Variants in KRTAP10-10 observed in about 807,000 individuals in gnomAD.
KRTAP10-10 encodes keratin associated protein 10-10, also known as keratin-associated protein 10-10.
For missense variants in KRTAP10-10, 324 were observed against 319.9 expected (o/e 1.01, Z -0.10); for synonymous variants, 139 against 137.6 (o/e 1.01, Z -0.07).
In KRTAP10-10 at chr21:44,637,956, C is replaced by T. The variant is rs781960035; in HGVS notation, c.539C>T (p.Thr180Ile). Residue 180 changes from threonine (T) to isoleucine (I), a missense_variant, in exon 1 of 1, where the codon ACC (threonine) becomes ATC (isoleucine). By Grantham distance (89) the Thr-to-Ile change is moderately conservative. Transcript: ENST00000380095. ...TCTAGCTGCCAGCCTGCTTGCTGCACCGCCTCCTGCTGCAGACCCTCCTCC... is the reference window on the plus strand; with the variant it reads ...TCTAGCTGCCAGCCTGCTTGCTGCATCGCCTCCTGCTGCAGACCCTCCTCC... ...QQSSCQPACC[T>I]ASCCRPSSSV... 2 of 1,613,986 alleles carry T rather than the reference C, an allele frequency of 1.2e-6. No individual in the cohort carries two copies. Among genetic ancestry groups the T allele is most frequent in the African/African-American group, 2.7e-5 (2 of 74,898 alleles).
chr21:44,637,662 C>T lies in KRTAP10-10; in HGVS notation c.245C>T (p.Pro82Leu), dbSNP rs142252999. 4,708 of 1,582,484 alleles carry T rather than the reference C, an allele frequency of 3.0e-3. 115 individuals are homozygous for T. The South Asian group carries it at 0.036, about 12-fold the overall frequency. ...TPCYQQSSCQ[P>L]DCCTSSPCQQ... ...TGCTACCAGCAGTCTAGCTGCCAGC[C>T]GGATTGCTGCACCTCCTCCCCCTGC... Residue 82 changes from proline to leucine, a missense_variant, in exon 1 of 1, where the codon CCG becomes CTG. Coordinates refer to ENST00000380095, the MANE Select transcript of KRTAP10-10 (RefSeq NM_181688.3).
rs782723435 is a variant in KRTAP10-10 at position 44,638,069 on chromosome 21, C to G, written c.652C>G (p.Pro218Ala). The G allele has an allele frequency of 1.9e-6, 3 of 1,613,274 alleles. No homozygotes were observed. Among genetic ancestry groups the G allele is most frequent in the South Asian group, 1.1e-5 (1 of 90,974 alleles). The change falls in exon 1 of 1, where the codon CCC becomes GCC. Residue 218 changes from proline (P) to alanine (A), a missense_variant. Physicochemically the swap from Pro to Ala is conservative, Grantham distance 27. Coordinates refer to ENST00000380095, the MANE Select transcript of KRTAP10-10 (RefSeq NM_181688.3). ...SCGASASSCQ[P>A]SCCRTASCVS... ...CGGTGCCTCTGCCTCCTCCTGCCAGCCCAGCTGCTGCCGCACGGCCTCCTG... is the reference window on the plus strand; with the variant it reads ...CGGTGCCTCTGCCTCCTCCTGCCAGGCCAGCTGCTGCCGCACGGCCTCCTG...
At position 44,637,973 on chromosome 21, in the gene KRTAP10-10, CCCT is replaced by C. The variant is rs1983759878; in HGVS notation, c.565_567del (p.Ser189del). The C allele has an allele frequency of 6.2e-7, 1 of 1,613,896 alleles. No individual in the cohort carries two copies. The highest frequency in any genetic ancestry group is 8.5e-7 in the Non-Finnish European group (1 of 1,179,960). ...TTGCTGCACCGCCTCCTGCTGCAGA[CCCT>C]CCTCCTCCGTGTCCCTCCTCTGCCA... On this transcript the variant is annotated inframe_deletion, in exon 1 of 1. Transcript: ENST00000380095.
At chr21:44,637,608 C>G in the KRTAP10-10 span, 1 of 1,613,930 alleles carries the variant, frequency 6.2e-7, no homozygotes, top group Non-Finnish European at 8.5e-7. Context: ...GCCTGCCAAT[C>G]AGGCTACACC....
At position 44,637,490 on chromosome 21, in the gene KRTAP10-10, AGCTGCTGCGAGCCCT is replaced by A. The variant is rs1450047895; in HGVS notation, c.81_95del (p.Glu28_Cys32del). 2 of 1,613,310 alleles carry A rather than the reference AGCTGCTGCGAGCCCT, an allele frequency of 1.2e-6. No individual in the cohort carries two copies. Among genetic ancestry groups the A allele is most frequent in the Middle Eastern group, 1.7e-4 (1 of 5,772 alleles). The stretch of plus-strand genomic sequence containing the variant: ...TTGGCGGGTAGTCGACTGCCCAGAG[AGCTGCTGCGAGCCCT>A]GCTGCTGTGCCCCAGCCCCCAGCTT... On this transcript the variant is annotated inframe_deletion, in exon 1 of 1. Transcript: ENST00000380095.
At position 44,638,055 on chromosome 21, in the gene KRTAP10-10, C is replaced by T. The variant is rs781995050; in HGVS notation, c.638C>T (p.Ala213Val). 5.0e-6 allele frequency: 8 copies of T among 1,613,278 alleles called. No individual in the cohort carries two copies. Among genetic ancestry groups the T allele is most frequent in the Non-Finnish European group, 5.9e-6 (7 of 1,179,610 alleles). ...CCCGTCCCCTCCTGCGGTGCCTCTG[C>T]CTCCTCCTGCCAGCCCAGCTGCTGC... ...CVPVPSCGAS[A>V]SSCQPSCCRT... The change falls in exon 1 of 1, where the codon GCC (alanine) becomes GTC (valine). Residue 213 changes from alanine (A) to valine (V), a missense_variant. Ala to Val is a moderately conservative substitution (Grantham distance 64). Transcript: ENST00000380095.
Position 44,637,538 on chromosome 21 carries a change from G to C in KRTAP10-10, c.121G>C (p.Val41Leu). 6.2e-7 allele frequency: 1 copy of C among 1,613,570 alleles called. No homozygotes were observed. The highest frequency in any genetic ancestry group is 8.5e-7 in the Non-Finnish European group (1 of 1,179,970). Reference protein sequence around the residue: ...CCAPAPSLTLVCTPVSCVSSP... With the variant: ...CCAPAPSLTLLCTPVSCVSSP... ...TGCCCCAGCCCCCAGCTTGACCCTG[G>C]TCTGCACCCCAGTGAGCTGTGTGTC... The change falls in exon 1 of 1, where the codon GTC becomes CTC. Residue 41 changes from valine to leucine, a missense_variant. Coordinates refer to ENST00000380095, the MANE Select transcript of KRTAP10-10 (RefSeq NM_181688.3).
At position 44,638,002 on chromosome 21, in the gene KRTAP10-10, C is replaced by T. The variant is rs782037793; in HGVS notation, c.585C>T (p.His195=). ...RPSSSVSLLC[H]PVCKSTCCVP... ...CCTCCTCCGTGTCCCTCCTCTGCCA[C>T]CCTGTGTGCAAGTCCACCTGCTGCG... The change falls in exon 1 of 1, where the codon CAC becomes CAT. Residue 195 remains histidine, a synonymous_variant. Coordinates refer to ENST00000380095, the MANE Select transcript of KRTAP10-10 (RefSeq NM_181688.3). The T allele has an allele frequency of 2.5e-6, 4 of 1,613,854 alleles. No homozygotes were observed. The highest frequency in any genetic ancestry group is 3.4e-6 in the Non-Finnish European group (4 of 1,179,946).
chr21:44,638,453 C>T lies in KRTAP10-10; in HGVS notation c.*280C>T, dbSNP rs55958156. 5,291 of 400,090 alleles carry T rather than the reference C, an allele frequency of 0.013. 328 individuals carry two copies. The highest frequency in any genetic ancestry group is 0.1 in the African/African-American group (4,850 of 48,248). 24.8% of individuals were successfully genotyped at this position (400,090 alleles called of 1,614,324 possible). Reference sequence around the variant, plus strand: ...TAATAAAGCCGCCTCTGTCTCACACCAACCTCTGTCCTGTCTGTGGACCCC... The same window carrying T: ...TAATAAAGCCGCCTCTGTCTCACACTAACCTCTGTCCTGTCTGTGGACCCC... On this transcript the variant is annotated 3_prime_UTR_variant, in exon 1 of 1. Coordinates refer to ENST00000380095, the MANE Select transcript of KRTAP10-10 (RefSeq NM_181688.3).
rs781849423 is a variant in KRTAP10-10 at position 44,637,496 on chromosome 21, T to A, written c.79T>A (p.Cys27Ser). The change falls in exon 1 of 1, where the codon TGC becomes AGC. Residue 27 changes from cysteine (C) to serine (S), a missense_variant. Physicochemically the swap from Cys to Ser is moderately radical, Grantham distance 112. Coordinates refer to ENST00000380095, the MANE Select transcript of KRTAP10-10 (RefSeq NM_181688.3). ...WRVVDCPESC[C>S]EPCCCAPAPS... ...GGTAGTCGACTGCCCAGAGAGCTGC[T>A]GCGAGCCCTGCTGCTGTGCCCCAGC... 1 of 1,613,410 alleles carries A rather than the reference T, an allele frequency of 6.2e-7. No homozygotes were observed. Among genetic ancestry groups the A allele is most frequent in the South Asian group, 1.1e-5 (1 of 91,038 alleles).
At position 44,637,782 on chromosome 21, in the gene KRTAP10-10, C is replaced by T. The variant is rs782686147; in HGVS notation, c.365C>T (p.Ser122Phe). ...PVCFVPTCSESSPSCCQQSSC... is the reference protein window; with the variant it reads ...PVCFVPTCSEFSPSCCQQSSC... ...TGCTTCGTGCCTACCTGCTCCGAGT[C>T]TTCCCCTTCATGCTGCCAGCAGTCT... The change falls in exon 1 of 1, where the codon TCT (serine) becomes TTT (phenylalanine). Residue 122 changes from serine (S) to phenylalanine (F), a missense_variant. By Grantham distance (155) the Ser-to-Phe change is radical. Coordinates refer to ENST00000380095, the MANE Select transcript of KRTAP10-10 (RefSeq NM_181688.3). The T allele has an allele frequency of 7.4e-7, 1 of 1,355,342 alleles. No individual in the cohort carries two copies. The highest frequency in any genetic ancestry group is 1.4e-5 in the South Asian group (1 of 73,436). The allele number at this position is 1,355,342 out of a possible 1,614,324, so 84.0% of individuals were successfully genotyped here.
In KRTAP10-10 at chr21:44,637,597, C is replaced by A. The variant is rs782317035; in HGVS notation, c.180C>A (p.Ser60Arg). 1.9e-6 allele frequency: 3 copies of A among 1,613,916 alleles called. No individual in the cohort carries two copies. The highest frequency in any genetic ancestry group is 1.7e-5 in the Admixed American group (1 of 60,020). The change falls in exon 1 of 1, where the codon AGC becomes AGA. Residue 60 changes from serine (S) to arginine (R), a missense_variant. Transcript: ENST00000380095. Reference protein sequence around the residue: ...SPCCQTACEPSACQSGYTSSC... With the variant: ...SPCCQTACEPRACQSGYTSSC... ...GCTGCCAGACGGCCTGTGAGCCCAGCGCCTGCCAATCAGGCTACACCAGCT... is the reference window on the plus strand; with the variant it reads ...GCTGCCAGACGGCCTGTGAGCCCAGAGCCTGCCAATCAGGCTACACCAGCT...
rs781914044 is a variant in KRTAP10-10, at chr21:44,637,828, C to T, written c.411C>T (p.Cys137=). ...CQQSSCQPTC[C]TSSPCQQACC... ...AGTCTAGCTGCCAGCCAACTTGCTG[C>T]ACCTCCTCCCCATGCCAGCAGGCCT... The change falls in exon 1 of 1, where the codon TGC becomes TGT. Residue 137 remains cysteine, a synonymous_variant. Coordinates refer to ENST00000380095, the MANE Select transcript of KRTAP10-10 (RefSeq NM_181688.3). 11 of 1,384,188 alleles carry T rather than the reference C, an allele frequency of 7.9e-6. No homozygotes were observed. The highest frequency in any genetic ancestry group is 1.3e-5 in the South Asian group (1 of 75,380). The allele number at this position is 1,384,188 out of a possible 1,614,324, so 85.7% of individuals were successfully genotyped here.
In KRTAP10-10 at chr21:44,637,501, G is replaced by A. The variant is rs116673061; in HGVS notation, c.84G>A (p.Glu28=). 2 of 1,612,694 alleles carry A rather than the reference G, an allele frequency of 1.2e-6. No homozygotes were observed. The highest frequency in any genetic ancestry group is 1.7e-6 in the Non-Finnish European group (2 of 1,179,602). Residue 28 remains glutamate (E), a synonymous_variant, in exon 1 of 1, where the codon GAG becomes GAA. Transcript: ENST00000380095. ...TCGACTGCCCAGAGAGCTGCTGCGA[G>A]CCCTGCTGCTGTGCCCCAGCCCCCA... ...RVVDCPESCC[E]PCCCAPAPSL...
chr21:44,637,513 T>C lies in KRTAP10-10; in HGVS notation c.96T>C (p.Cys32=), dbSNP rs60621054. 6,328 of 1,613,270 alleles carry C rather than the reference T, an allele frequency of 3.9e-3. 196 individuals carry two copies. The African/African-American group carries it at 0.071, about 18-fold the overall frequency. ...AGAGCTGCTGCGAGCCCTGCTGCTG[T>C]GCCCCAGCCCCCAGCTTGACCCTGG... ...CPESCCEPCC[C]APAPSLTLVC... Residue 32 remains cysteine (C), a synonymous_variant, in exon 1 of 1, where the codon TGT becomes TGC. Coordinates refer to ENST00000380095, the MANE Select transcript of KRTAP10-10 (RefSeq NM_181688.3).
In KRTAP10-10 at chr21:44,637,589, G is replaced by A. The variant is rs782669497; in HGVS notation, c.172G>A (p.Glu58Lys). ...VSSPCCQTAC[E>K]PSACQSGYTS... Reference sequence around the variant, plus strand: ...CAGCCCCTGCTGCCAGACGGCCTGTGAGCCCAGCGCCTGCCAATCAGGCTA... The same window carrying A: ...CAGCCCCTGCTGCCAGACGGCCTGTAAGCCCAGCGCCTGCCAATCAGGCTA... The change falls in exon 1 of 1, where the codon GAG becomes AAG. Residue 58 changes from glutamate (E) to lysine (K), a missense_variant. Coordinates refer to ENST00000380095, the MANE Select transcript of KRTAP10-10 (RefSeq NM_181688.3). The A allele has an allele frequency of 1.2e-6, 2 of 1,613,842 alleles. No homozygotes were observed. The highest frequency in any genetic ancestry group is 8.5e-7 in the Non-Finnish European group (1 of 1,179,996).
chr21:44,638,110 C>T lies in KRTAP10-10; in HGVS notation c.693C>T (p.Cys231=), dbSNP rs782232975. The T allele has an allele frequency of 2.5e-6, 4 of 1,613,382 alleles. No homozygotes were observed. The Admixed American group carries it at 5.0e-5, about 20-fold the overall frequency. Residue 231 remains cysteine (C), a synonymous_variant, in exon 1 of 1, where the codon TGC becomes TGT. Transcript: ENST00000380095. ...CGGCCTCCTGTGTTTCCCTCCTCTG[C>T]CGCCCCGTGTGCTCCCGCCCTGCCT... ...CRTASCVSLL[C]RPVCSRPACY...
Position 44,637,713 on chromosome 21 carries a change from G to A in KRTAP10-10, c.296G>A (p.Cys99Tyr). 2 of 1,228,632 alleles carry A rather than the reference G, an allele frequency of 1.6e-6. No homozygotes were observed. Among genetic ancestry groups the A allele is most frequent in the Non-Finnish European group, 2.2e-6 (2 of 903,806 alleles). The allele number at this position is 1,228,632 out of a possible 1,614,324, so 76.1% of individuals were successfully genotyped here. A position where few individuals can be genotyped will look rare whatever the true frequency, so the allele number is the denominator to read the frequency against. The change falls in exon 1 of 1, where the codon TGC (cysteine) becomes TAC (tyrosine). Residue 99 changes from cysteine to tyrosine, a missense_variant. Coordinates refer to ENST00000380095, the MANE Select transcript of KRTAP10-10 (RefSeq NM_181688.3). ...CAGCAGGCCTGCTGTGTGCCTGTCTGCTGTGTGCCCGTCTGCTGCGTGCCC... is the reference window on the plus strand; with the variant it reads ...CAGCAGGCCTGCTGTGTGCCTGTCTACTGTGTGCCCGTCTGCTGCGTGCCC... ...PCQQACCVPV[C>Y]CVPVCCVPVC...
At position 44,637,739 on chromosome 21, in the gene KRTAP10-10, G is replaced by C. The variant is rs191143712; in HGVS notation, c.322G>C (p.Val108Leu). The C allele has an allele frequency of 2.2e-6, 3 of 1,337,964 alleles. No individual in the cohort carries two copies. The African/African-American group carries it at 4.8e-5, about 21-fold the overall frequency. 82.9% of individuals were successfully genotyped at this position (1,337,964 alleles called of 1,614,324 possible). The change falls in exon 1 of 1, where the codon GTC becomes CTC. Residue 108 changes from valine to leucine, a missense_variant. Val to Leu is a conservative substitution (Grantham distance 32, BLOSUM62 1). Transcript: ENST00000380095. ...VCCVPVCCVP[V>L]CNKPVCFVPT... ...CTGTGTGCCCGTCTGCTGCGTGCCC[G>C]TCTGTAACAAGCCTGTGTGCTTCGT...
Sources: gnomAD v4.1 joint callset for allele counts on GRCh38, gnomAD v4.1.1 for gene constraint, MANE v1.5 for transcripts, NCBI Gene and HGNC (gene_info 2026-07-23, HGNC 2026-07-21) for gene names.